PIAS4: variants seen among roughly 807,000 people sequenced by gnomAD.
PIAS4 encodes the protein protein inhibitor of activated STAT 4, also known as E3 SUMO-protein ligase PIAS4.
PIAS4 carries 7 observed loss-of-function variants against 58.0 expected under a neutral mutation model. The ratio of observed to expected loss-of-function variants is 0.12; its 90% CI spans 0.07 to 0.23. PIAS4 has a LOEUF of 0.23. PIAS4 is among the 10% of genes least tolerant of loss of function. The pLI is 1.00. For missense variants in PIAS4, 550 were observed against 709.5 expected (o/e 0.78, Z 2.55); for synonymous variants, 364 against 312.4 (o/e 1.17, Z -1.74).
chr19:4,008,507 G>A (rs931199246), intron 1 of PIAS4, among the ~76,000 whole-genome samples: 3 of 152,164 alleles, frequency 2.0e-5, no homozygotes, highest in African/African-American at 7.2e-5. Context: ...GCGCTTGGGG[G>A]AAGGCTGGGC....
At chr19:4,015,750 C>T (rs1175300534) in intron 2 of PIAS4, among the ~76,000 whole-genome samples, 1 of 152,226 alleles carries the variant, frequency 6.6e-6, no homozygotes, top group Non-Finnish European at 1.5e-5. Context: ...GCTTCTCCCT[C>T]ACTCCCTCCT....
At chr19:4,027,266 G>C (rs2040175206) in intron 3 of PIAS4, among the ~76,000 whole-genome samples, 1 of 152,226 alleles carries the variant, frequency 6.6e-6, no homozygotes, top group Admixed American at 6.5e-5. Flanking sequence ...AGGGTTACTG[G>C]CGTGAGCCAC....
intron 1 of PIAS4, among the ~76,000 whole-genome samples, chr19:4,009,627 C>A (rs1189967604): frequency 1.3e-5 from 2 of 151,972 alleles, no homozygotes; most frequent in African/African-American, 2.4e-5. Flanking sequence ...CCGTGAGCCT[C>A]CATTCAAGGG....
intron 9 of PIAS4, 91 bp downstream of exon 9, chr19:4,033,671 C>T (rs1465781423): frequency 1.8e-5 from 19 of 1,062,614 alleles, no homozygotes; most frequent in Non-Finnish European, 2.6e-5. Flanking sequence ...CATGGTGCCC[C>T]AGCAAGACAC....
rs1402251020 is a variant in PIAS4 at position 4,037,550 on chromosome 19, C to T, written c.1273+46C>T. 2 of 1,607,486 alleles carry T rather than the reference C, an allele frequency of 1.2e-6. No homozygotes were observed. Among genetic ancestry groups the T allele is most frequent in the African/African-American group, 2.7e-5 (2 of 74,920 alleles). The stretch of plus-strand genomic sequence containing the variant: ...GCCGCGCAGTCCGCAGCCAGGGCCG[C>T]CTCAGTTTCCCCATTTATCAGTGGT... On this transcript the variant is annotated intron_variant, in intron 10 of 10. Coordinates refer to ENST00000262971, the MANE Select transcript of PIAS4 (RefSeq NM_015897.4). This position sits in a 1 kb window ranked among gnomAD's most constrained non-coding sequence, Gnocchi z 5.8.
At chr19:4,032,627 T>TG (rs1337037585) in intron 7 of PIAS4, among the ~76,000 whole-genome samples, 7 of 152,212 alleles carry the variant, frequency 4.6e-5, no homozygotes, top group Non-Finnish European at 8.8e-5. Context: ...CAGGCTGCCT[T>TG]GGGGCGGTGC....
At chr19:4,010,324 T>G (rs1046211971) in intron 1 of PIAS4, among the ~76,000 whole-genome samples, 1 of 152,156 alleles carries the variant, frequency 6.6e-6, no homozygotes, top group Non-Finnish European at 1.5e-5. Flanking sequence ...CTGTCCAGCC[T>G]GGGTGGGGCA....
At position 4,007,757 on chromosome 19, in the gene PIAS4, C is replaced by G. The variant is rs2039956936; in HGVS notation, c.-4C>G. ...TCCCGGCGCGGGGGACGCTGGTGAC[C>G]AAGATGGCGGCGGAGCTGGTGGAGG... On this transcript the variant is annotated 5_prime_UTR_variant, in exon 1 of 11. Coordinates refer to ENST00000262971, the MANE Select transcript of PIAS4 (RefSeq NM_015897.4). 5.8e-6 allele frequency: 7 copies of G among 1,216,514 alleles called. No individual in the cohort carries two copies. The highest frequency in any genetic ancestry group is 6.2e-6 in the Non-Finnish European group (6 of 971,390). The allele number at this position is 1,216,514 out of a possible 1,614,324, so 75.4% of individuals were successfully genotyped here.
At position 4,028,964 on chromosome 19, in the gene PIAS4, C is replaced by T. The variant is rs773543679; in HGVS notation, c.835C>T (p.Leu279=). The T allele has an allele frequency of 5.0e-6, 8 of 1,611,490 alleles. No homozygotes were observed. The highest frequency in any genetic ancestry group is 6.8e-6 in the Non-Finnish European group (8 of 1,179,404). The change falls in exon 7 of 11, where the codon CTG becomes TTG. Residue 279 remains leucine (L), a synonymous_variant. Transcript: ENST00000262971. ...YSVALYLVRQ[L]TSSELLQRLK... is the part of the protein sequence containing the mutation. ...GGTGGCCCTGTACCTGGTGCGGCAG[C>T]TGACCTCATCGGAGCTGCTGCAGAG...
chr19:4,016,906 C>T (rs2040058399), intron 2 of PIAS4, among the ~76,000 whole-genome samples: 1 of 152,110 alleles, frequency 6.6e-6, no homozygotes, highest in South Asian at 2.1e-4. Flanking sequence ...AGGCTGGGGG[C>T]TACCCTGCTT....
At chr19:4,030,939 G>C (rs2040217127) in intron 7 of PIAS4, among the ~76,000 whole-genome samples, 1 of 152,184 alleles carries the variant, frequency 6.6e-6, no homozygotes, top group Admixed American at 6.5e-5. Flanking sequence ...GGTGAGGACT[G>C]GGACCACCTG....
chr19:4,015,002 C>T (rs1183217296), intron 2 of PIAS4, among the ~76,000 whole-genome samples: 2 of 152,186 alleles, frequency 1.3e-5, no homozygotes, highest in Non-Finnish European at 2.9e-5. Flanking sequence ...CTCCGCCTTC[C>T]AAGTGAGGCT....
At position 4,038,042 on chromosome 19, in the gene PIAS4, CG is replaced by C. The variant is rs1190825950; in HGVS notation, c.*172del. 5.5e-6 allele frequency: 3 copies of C among 543,970 alleles called. No homozygotes were observed. Among genetic ancestry groups the C allele is most frequent in the African/African-American group, 2.0e-5 (1 of 49,714 alleles). The allele number at this position is 543,970 out of a possible 1,614,324, so 33.7% of individuals were successfully genotyped here. On this transcript the variant is annotated 3_prime_UTR_variant, in exon 11 of 11. Coordinates refer to ENST00000262971, the MANE Select transcript of PIAS4 (RefSeq NM_015897.4). This position sits in a 1 kb window ranked among gnomAD's most constrained non-coding sequence, Gnocchi z 4.1. The stretch of plus-strand genomic sequence containing the variant: ...CACCTGTACCTCTGGACTCTCCTAT[CG>C]GGGGATTAAAAAAAAAAGTAAAATG...
At chr19:4,008,411 G>T (rs773829053) in intron 1 of PIAS4, among the ~76,000 whole-genome samples, 1 of 151,984 alleles carries the variant, frequency 6.6e-6, no homozygotes, top group South Asian at 2.1e-4. Flanking sequence ...TGGAGTTCAG[G>T]CTCGGTCTTG....
chr19:4,025,438 G>C (rs375265283), intron 3 of PIAS4, among the ~76,000 whole-genome samples: 4 of 152,338 alleles, frequency 2.6e-5, no homozygotes, highest in African/African-American at 9.6e-5. Context: ...CTTAGGACAG[G>C]GGAGGCCATT....
intron 1 of PIAS4, among the ~76,000 whole-genome samples, chr19:4,009,868 G>A (rs1331213098): frequency 6.6e-6 from 1 of 152,160 alleles, no homozygotes; most frequent in Non-Finnish European, 1.5e-5. Flanking sequence ...GCCTGCAGGC[G>A]GGTTTGGGGC....
intron 2 of PIAS4, among the ~76,000 whole-genome samples, chr19:4,022,970 G>A (rs898355140): frequency 2.0e-5 from 3 of 151,616 alleles, no homozygotes; most frequent in South Asian, 2.1e-4. Context: ...TCGGGAGTTC[G>A]AGAGCAGCCT....
rs913583860 is a variant in PIAS4 at position 4,037,999 on chromosome 19, C to T, written c.*124C>T. ...TTGTCGTTCGTTTTGTTTTTCCACC[C>T]TTTTGCCTGGCTCCTGGCACCTGTA... On this transcript the variant is annotated 3_prime_UTR_variant, in exon 11 of 11. Coordinates refer to ENST00000262971, the MANE Select transcript of PIAS4 (RefSeq NM_015897.4). This position sits in a 1 kb window ranked among gnomAD's most constrained non-coding sequence, Gnocchi z 5.8. The T allele has an allele frequency of 3.1e-5, 33 of 1,065,002 alleles. No homozygotes were observed. The African/African-American group carries it at 3.7e-4, about 12-fold the overall frequency. 66.0% of individuals were successfully genotyped at this position (1,065,002 alleles called of 1,614,324 possible).
rs952497851 is a variant in PIAS4, at chr19:4,013,497, C to T, written c.454+148C>T. ...CACAGTGGCCAGGGGTGTCCTTCCT[C>T]GGAAGCAAAGGGACCATCTTTGATA... On this transcript the variant is annotated intron_variant, in intron 2 of 10. Transcript: ENST00000262971. The surrounding 1 kb of genome is among the most constrained non-coding windows in gnomAD (Gnocchi z 5.1). 7 of 675,966 alleles carry T rather than the reference C, an allele frequency of 1.0e-5. No homozygotes were observed. The highest frequency in any genetic ancestry group is 5.7e-5 in the Admixed American group (2 of 34,874). The allele number at this position is 675,966 out of a possible 1,614,324, so 41.9% of individuals were successfully genotyped here.
Sources: gnomAD v4.1 joint callset for allele counts (sites outside exome capture counted in the v4.1 genomes callset) on GRCh38, gnomAD v4.1.1 for gene constraint, Gnocchi (gnomAD v3.1) non-coding constraint, MANE v1.5 for transcripts, NCBI Gene and HGNC (gene_info 2026-07-23, HGNC 2026-07-21) for gene names.